The following ATG9B variants were observed in gnomAD, a reference collection of about 807,000 sequenced individuals.
ATG9B encodes autophagy related 9B.
Under a neutral mutation model 92.9 loss-of-function variants are expected in ATG9B, and 92 were observed. The observed-to-expected ratio is 0.99, with a 90% CI of 0.84 to 1.18. ATG9B has a LOEUF of 1.18. ATG9B is among the 50% of genes most tolerant of loss of function. The probability of loss-of-function intolerance (pLI) is 0.00; values close to 1 mark genes in which losing one functional copy is unlikely to be tolerated. For missense variants in ATG9B, 1,344 were observed against 1,235.0 expected, an observed-to-expected ratio of 1.09 and a Z score of -1.32; for synonymous variants, 599 against 551.4, an observed-to-expected ratio of 1.09 and a Z score of -1.21.
In ATG9B at chr7:151,018,980, AC is replaced by A; in HGVS notation, c.1357del (p.Val453CysfsTer101). On this transcript the variant is annotated frameshift_variant, in exon 6 of 14. Transcript: ENST00000639579. LOFTEE classifies it high-confidence loss of function. The surrounding 1 kb of genome is among the most constrained non-coding windows in gnomAD (Gnocchi z 4.7). ...GACGTGCAGAACCTGCCAGGCCAGC[AC>A]CAGCGGGCTCAGCGCCAGGTTCAGG... ...AALNLALSPL[V>X]LAWQVLHVFY... is the part of the protein sequence containing the mutation. The A allele has an allele frequency of 6.3e-7, 1 of 1,579,856 alleles. No homozygotes were observed. The highest frequency in any genetic ancestry group is 8.6e-7 in the Non-Finnish European group (1 of 1,167,470).
downstream of ATG9B, chr7:151,012,526 G>A: frequency 6.4e-7 from 1 of 1,573,412 alleles, no homozygotes; most frequent in Non-Finnish European, 8.7e-7. Context: ...TCTAGGGACA[G>A]AGGGGTGGGG....
In ATG9B at chr7:151,015,884, T is replaced by C; in HGVS notation, c.*12A>G. 6.4e-7 allele frequency: 1 copy of C among 1,550,840 alleles called. No individual in the cohort carries two copies. ...CCCTCACAGGAGGCAATACTGACCC[T>C]GAGGAGTCGTCTCAGTCAGTGCAAG... On this transcript the variant is annotated splice_region_variant and 3_prime_UTR_variant, in exon 13 of 14. Transcript: ENST00000639579.
chr7:151,018,613 G>A lies in ATG9B; in HGVS notation c.1718+7C>T, dbSNP rs1174996879. On this transcript the variant is annotated splice_region_variant and intron_variant, in intron 6 of 13. Coordinates refer to ENST00000639579, the MANE Select transcript of ATG9B (RefSeq NM_001317056.2). The surrounding 1 kb of genome is among the most constrained non-coding windows in gnomAD (Gnocchi z 4.7). ...CACACCACCACCCCGGGCATCTGCCGTCGCACCTGGCGACGGTGGCGGTGA... is the reference window on the plus strand; with the variant it reads ...CACACCACCACCCCGGGCATCTGCCATCGCACCTGGCGACGGTGGCGGTGA... The A allele has an allele frequency of 2.5e-6, 4 of 1,600,338 alleles. No homozygotes were observed. Among genetic ancestry groups the A allele is most frequent in the East Asian group, 4.5e-5 (2 of 44,068 alleles).
At chr7:151,016,934 G>A in intron 9 of ATG9B, 102 bp downstream of exon 9, 1 of 1,499,962 alleles carries the variant, frequency 6.7e-7, no homozygotes, top group Non-Finnish European at 9.0e-7. Context: ...GGGGGCGGGG[G>A]CTGGTGAGGC....
rs1324876309 is a variant in ATG9B at position 151,017,095 on chromosome 7, C to T, written c.2230G>A (p.Ala744Thr). ...RVQQDAAAWG[A>T]TSARGPSTPG... ...GTGGAGGGGCCGCGAGCCGAGGTGG[C>T]ACCCCAGGCAGCTGCATCTTGTTGT... Residue 744 changes from alanine to threonine, a missense_variant, in exon 9 of 14, where the codon GCC (alanine) becomes ACC (threonine). By Grantham distance (58) the Ala-to-Thr change is moderately conservative. Transcript: ENST00000639579. 2.5e-6 allele frequency: 4 copies of T among 1,610,766 alleles called. No individual in the cohort carries two copies. Among genetic ancestry groups the T allele is most frequent in the South Asian group, 2.2e-5 (2 of 90,566 alleles).
Position 151,024,430 on chromosome 7 carries a change from A to C in ATG9B, c.-7T>G. ...AGCCCATTCGGCTCACCATCAGGCC[A>C]CGGCTTCTCCAGAAAGGTTGGAAGG... On this transcript the variant is annotated 5_prime_UTR_variant, in exon 1 of 14. Transcript: ENST00000639579. 1.5e-6 allele frequency: 2 copies of C among 1,337,934 alleles called. No homozygotes were observed. 82.9% of individuals were successfully genotyped at this position (1,337,934 alleles called of 1,614,324 possible).
At chr7:151,014,467 C>T (rs761085505), downstream of ATG9B, 560 of 429,092 alleles carry the variant, frequency 1.3e-3, 13 homozygotes, top group Non-Finnish European at 3.1e-4. Context: ...TTCCTCTTGC[C>T]TCTCTCAGGA....
downstream of ATG9B, chr7:151,014,214 G>C: frequency 6.4e-7 from 1 of 1,552,872 alleles, no homozygotes; most frequent in Non-Finnish European, 8.7e-7. Context: ...GCGGCTGCCC[G>C]ACTCAGGTCC....
At chr7:151,013,787 G>A (rs1046009973), downstream of ATG9B, 10 of 1,611,402 alleles carry the variant, frequency 6.2e-6, no homozygotes, top group Non-Finnish European at 8.5e-6. Context: ...GCTGTGCCTC[G>A]AGCGGGGCCA....
chr7:151,019,879 G>C (rs1464929036), intron 5 of ATG9B: 3 of 153,170 alleles, frequency 2.0e-5, no homozygotes, highest in African/African-American at 7.2e-5. Flanking sequence ...AAAAATAGCA[G>C]GGCGTGGTGG....
chr7:151,022,946 A>T, intron 4 of ATG9B, 99 bp downstream of exon 4: 1 of 1,497,782 alleles, frequency 6.7e-7, no homozygotes, highest in Middle Eastern at 2.0e-4. Context: ...AAGCTTTGAG[A>T]ACTGCTGATC....
At position 151,018,100 on chromosome 7, in the gene ATG9B, G is replaced by A; in HGVS notation, c.1873-50C>T. 3 of 1,525,328 alleles carry A rather than the reference G, an allele frequency of 2.0e-6. No homozygotes were observed. The highest frequency in any genetic ancestry group is 2.6e-6 in the Non-Finnish European group (3 of 1,134,934). 94.5% of individuals were successfully genotyped at this position (1,525,328 alleles called of 1,614,324 possible). On this transcript the variant is annotated intron_variant, in intron 7 of 13. Transcript: ENST00000639579. This position sits in a 1 kb window ranked among gnomAD's most constrained non-coding sequence, Gnocchi z 4.7. ...GCAGGGGTCGCTGAGGGGCCCACGCGCGTTATCAGGACCAAGCAGTCCCCA... is the reference window on the plus strand; with the variant it reads ...GCAGGGGTCGCTGAGGGGCCCACGCACGTTATCAGGACCAAGCAGTCCCCA...
At chr7:151,015,757 A>C (rs1795451478) in intron 13 of ATG9B, 44 bp from the exon 14 acceptor site, 5 of 1,327,438 alleles carry the variant, frequency 3.8e-6, no homozygotes, top group Non-Finnish European at 5.0e-6. Context: ...AGGGGTCTAG[A>C]TTCCAGAGAT....
intron 12 of ATG9B, 27 bp from the exon 13 acceptor site, chr7:151,016,050 A>G: frequency 6.4e-7 from 1 of 1,550,442 alleles, no homozygotes; most frequent in Admixed American, 2.0e-5. Flanking sequence ...TCAGCTGGGC[A>G]GTTCCATGAT....
chr7:151,012,517 C>CT, downstream of ATG9B: 1 of 1,586,554 alleles, frequency 6.3e-7, no homozygotes, highest in Non-Finnish European at 8.6e-7. Context: ...GTCACACAAT[C>CT]TAGGGACAGA....
chr7:151,018,981 C>A lies in ATG9B; in HGVS notation c.1357G>T (p.Val453Leu). 1 of 1,579,054 alleles carries A rather than the reference C, an allele frequency of 6.3e-7. No individual in the cohort carries two copies. Among genetic ancestry groups the A allele is most frequent in the Admixed American group, 1.8e-5 (1 of 56,128 alleles). The change falls in exon 6 of 14, where the codon GTG (valine) becomes TTG (leucine). Residue 453 changes from valine (V) to leucine (L), a missense_variant. Transcript: ENST00000639579. The surrounding 1 kb of genome is among the most constrained non-coding windows in gnomAD (Gnocchi z 4.7). ...AALNLALSPL[V>L]LAWQVLHVFY... ...ACGTGCAGAACCTGCCAGGCCAGCA[C>A]CAGCGGGCTCAGCGCCAGGTTCAGG... is the stretch of plus-strand genomic sequence containing the variant.
downstream of ATG9B, chr7:151,013,838 C>G (rs773318406): frequency 1.9e-6 from 3 of 1,607,078 alleles, no homozygotes; most frequent in Non-Finnish European, 2.5e-6. Context: ...AACCAACGTC[C>G]TGCAGACCGT....
In ATG9B at chr7:151,019,235, T is replaced by C. The variant is rs1795656385; in HGVS notation, c.1103A>G (p.Gln368Arg). Residue 368 changes from glutamine to arginine, a missense_variant, in exon 6 of 14, where the codon CAG becomes CGG. Physicochemically the swap from Gln to Arg is conservative, Grantham distance 43. Coordinates refer to ENST00000639579, the MANE Select transcript of ATG9B (RefSeq NM_001317056.2). ...HHRILRYTNY[Q>R]VALANKGLLP... ...CAGGCCTTTGTTGGCCAGCGCCACC[T>C]GGTAGTTGGTGTAGCGCAGGATGCG... 1.3e-6 allele frequency: 2 copies of C among 1,554,738 alleles called. No individual in the cohort carries two copies. Among genetic ancestry groups the C allele is most frequent in the Non-Finnish European group, 1.7e-6 (2 of 1,156,054 alleles).
At position 151,022,189 on chromosome 7, in the gene ATG9B, G is replaced by A. The variant is rs140459049; in HGVS notation, c.821+856C>T. Among the ~76,000 whole-genome samples the A allele has an allele frequency of 4.0e-4, 59 of 148,488 alleles. 6 individuals carry two copies. The highest frequency in any genetic ancestry group is 1.3e-3 in the African/African-American group (53 of 39,510). ...GTGAAGGCAACAATGAAAATGAATC[G>A]TCTGCTGGGAGGGAGGAGGGTGTAG... is the stretch of plus-strand genomic sequence containing the variant. On this transcript the variant is annotated intron_variant, in intron 4 of 13. Transcript: ENST00000639579.
Sources: allele counts gnomAD v4.1 joint callset (sites outside exome capture counted in the v4.1 genomes callset), GRCh38; gene constraint gnomAD v4.1.1; non-coding constraint Gnocchi (gnomAD v3.1); transcripts MANE v1.5; gene names NCBI Gene and HGNC (gene_info 2026-07-23, HGNC 2026-07-21).